The following AGBL1 variants were observed in gnomAD, a reference collection of about 807,000 sequenced individuals.
AGBL1 encodes the protein cytosolic carboxypeptidase 4.
AGBL1 carries 130 observed loss-of-function variants against 118.9 expected under a neutral mutation model. The observed-to-expected ratio is 1.09, with a 90% CI of 0.95 to 1.26. The LOEUF (loss-of-function observed/expected upper bound fraction) is 1.26, where lower values mean the gene tolerates loss of function less well. Ranked by LOEUF, AGBL1 falls within the 50% of genes most tolerant of loss-of-function variation. The pLI, the probability that AGBL1 is intolerant of heterozygous loss-of-function variation, is 0.00. For synonymous variants in AGBL1, 555 were observed against 478.9 expected, an observed-to-expected ratio of 1.16 and a Z score of -2.08; for missense variants, 1,584 against 1,298.1, an observed-to-expected ratio of 1.22 and a Z score of -3.38.
Position 86,478,497 on chromosome 15 carries a change from A to C in AGBL1, c.2556-44313A>C, listed in dbSNP as rs566272295. Among the ~76,000 whole-genome samples the C allele has an allele frequency of 1.1e-4, 17 of 152,330 alleles. No individual in the cohort carries two copies. In the East Asian group the frequency reaches 3.3e-3, roughly 29 times the overall value. ...GCCATTCACAATTGCTTCGAAGAGA[A>C]TAAAATACCTAGGAATCCAACTTAC... On this transcript the variant is annotated intron_variant, in intron 18 of 22. Coordinates refer to ENST00000614907, the MANE Select transcript of AGBL1 (RefSeq NM_001386094.1).
chr15:87,017,789 G>A (rs1256844838), intron 24 of AGBL1, among the ~76,000 whole-genome samples: 1 of 152,160 alleles, frequency 6.6e-6, no homozygotes, highest in African/African-American at 2.4e-5. Context: ...GAACAGGGCT[G>A]AGGCTGAGAT....
At chr15:86,293,356 A>C (rs1273971043) in intron 16 of AGBL1, among the ~76,000 whole-genome samples, 1 of 152,028 alleles carries the variant, frequency 6.6e-6, no homozygotes, top group East Asian at 1.9e-4. Context: ...CTGTGGGGAG[A>C]GTGTGTTTCC....
intron 22 of AGBL1, among the ~76,000 whole-genome samples, chr15:86,762,039 T>G (rs530404196): frequency 6.6e-6 from 1 of 152,074 alleles, no homozygotes; most frequent in African/African-American, 2.4e-5. Context: ...TATGCAGCCA[T>G]AAAAAGGAAT....
At chr15:86,926,137 T>C (rs1340781972) in intron 23 of AGBL1, among the ~76,000 whole-genome samples, 6 of 152,164 alleles carry the variant, frequency 3.9e-5, no homozygotes, top group African/African-American at 1.4e-4. Flanking sequence ...TCCTTTCATG[T>C]TTCTCCCCTA....
intron 22 of AGBL1, among the ~76,000 whole-genome samples, chr15:86,714,622 C>T (rs1388977165): frequency 1.3e-5 from 2 of 152,150 alleles, no homozygotes; most frequent in Non-Finnish European, 2.9e-5. Context: ...CCAGCATAAC[C>T]TTTCAGAGCA....
intron 23 of AGBL1, among the ~76,000 whole-genome samples, chr15:86,949,138 A>G (rs2701398): frequency 0.47 from 71,288 of 152,114 alleles, 19,631 homozygotes; most frequent in Non-Finnish European, 0.62. Flanking sequence ...GTAAAGAATA[A>G]TGGCAGATAA....
intron 24 of AGBL1, chr15:87,028,683 T>C (rs1462111050): frequency 2.9e-6 from 2 of 691,634 alleles, no homozygotes; most frequent in Non-Finnish European, 4.9e-6. Context: ...CTAATCTAAA[T>C]GTAAGTATGA....
chr15:86,487,689 T>A (rs1051205610), intron 18 of AGBL1, among the ~76,000 whole-genome samples: 9 of 152,038 alleles, frequency 5.9e-5, no homozygotes, highest in Admixed American at 5.9e-4. Flanking sequence ...CTAAATCCCA[T>A]CTATTAAGGA....
intron 5 of AGBL1, among the ~76,000 whole-genome samples, chr15:86,199,026 G>C (rs543220966): frequency 4.6e-5 from 7 of 152,244 alleles, no homozygotes; most frequent in Non-Finnish European, 7.4e-5. Flanking sequence ...TAGTTTTCTA[G>C]TCGCTTTAAT....
chr15:86,326,805 A>G (rs1183224138), intron 17 of AGBL1, among the ~76,000 whole-genome samples: 3 of 152,224 alleles, frequency 2.0e-5, no homozygotes, highest in Admixed American at 2.0e-4. Context: ...CAAGACTGGT[A>G]ACAACTGATG....
intron 22 of AGBL1, among the ~76,000 whole-genome samples, chr15:86,765,067 T>G (rs2078075904): frequency 6.6e-6 from 1 of 151,910 alleles, no homozygotes; most frequent in South Asian, 2.1e-4. Flanking sequence ...AGGTATAGTT[T>G]ATGACTTGAA....
At chr15:86,656,366 G>T (rs1219064673) in intron 21 of AGBL1, among the ~76,000 whole-genome samples, 1 of 152,150 alleles carries the variant, frequency 6.6e-6, no homozygotes, top group Non-Finnish European at 1.5e-5. Context: ...CTTCAAAAGT[G>T]CTTAGATATC....
At chr15:86,108,828 G>A (rs1897200111) in intron 1 of AGBL1, among the ~76,000 whole-genome samples, 1 of 152,116 alleles carries the variant, frequency 6.6e-6, no homozygotes, top group African/African-American at 2.4e-5. Flanking sequence ...GTGGTGGCAT[G>A]CACCTGTAGT....
intron 22 of AGBL1, among the ~76,000 whole-genome samples, chr15:86,834,219 G>C (rs565155236): frequency 2.4e-4 from 37 of 152,162 alleles, no homozygotes; most frequent in Admixed American, 9.8e-4. Context: ...CAGCAACCAC[G>C]GTATCCCAAT....
chr15:86,695,102 G>C (rs565115360), intron 22 of AGBL1, among the ~76,000 whole-genome samples: 5 of 151,934 alleles, frequency 3.3e-5, no homozygotes, highest in South Asian at 4.1e-4. Flanking sequence ...GGTGATGCTG[G>C]CTTCTTTGAT....
chr15:86,082,032 G>A (rs995926315), intron 1 of AGBL1, among the ~76,000 whole-genome samples: 8 of 152,308 alleles, frequency 5.3e-5, no homozygotes, highest in South Asian at 4.1e-4. Flanking sequence ...ACAGGAGCAC[G>A]CTTCCTGTTT....
At chr15:87,023,495 G>T (rs1202780087) in intron 24 of AGBL1, among the ~76,000 whole-genome samples, 1 of 151,952 alleles carries the variant, frequency 6.6e-6, no homozygotes, top group African/African-American at 2.4e-5. Context: ...ATTACTAATA[G>T]ACCTAAGAAA....
chr15:86,496,656 T>G (rs184233716), intron 18 of AGBL1, among the ~76,000 whole-genome samples: 139 of 152,166 alleles, frequency 9.1e-4, no homozygotes, highest in African/African-American at 3.3e-3. Context: ...ACAATGTATT[T>G]TTTTTCCCTT....
At chr15:86,146,872 C>A (rs1356381282) in intron 3 of AGBL1, among the ~76,000 whole-genome samples, 1 of 152,144 alleles carries the variant, frequency 6.6e-6, no homozygotes, top group Non-Finnish European at 1.5e-5. Flanking sequence ...TCCAGAGGTA[C>A]ATATCAGTAA....
Sources: allele counts gnomAD v4.1 joint callset (sites outside exome capture counted in the v4.1 genomes callset), GRCh38; gene constraint gnomAD v4.1.1; transcripts MANE v1.5; gene names NCBI Gene and HGNC (gene_info 2026-07-23, HGNC 2026-07-21).